The following NELL2 variants were observed in gnomAD, a reference collection of about 807,000 sequenced individuals.
NELL2 encodes the protein neural EGFL like 2, also known as protein kinase C-binding protein NELL2.
Under a neutral mutation model 109.6 loss-of-function variants are expected in NELL2, and 41 were observed. The observed-to-expected ratio is 0.37, with a 90% CI of 0.29 to 0.49. NELL2 has a LOEUF of 0.49. NELL2 is among the 20% of genes least tolerant of loss of function. The pLI is 0.98. For synonymous variants in NELL2, 355 were observed against 344.7 expected (o/e 1.03, Z -0.33); for missense variants, 900 against 1,008.3 (o/e 0.89, Z 1.45).
In NELL2 at chr12:44,554,256, A is replaced by G. The variant is rs555173894; in HGVS notation, c.1664-21535T>C. 1.3e-3 allele frequency among the ~76,000 whole-genome samples: 204 copies of G among 152,310 alleles called. 1 individual carries two copies. The highest frequency in any genetic ancestry group is 3.7e-3 in the Admixed American group (57 of 15,284). On this transcript the variant is annotated intron_variant, in intron 15 of 19. Transcript: ENST00000429094. ...ACAAATGGAGCCATAGTGTGTTAAG[A>G]TATCTATTTACACATGGATCTCTAA...
At chr12:44,617,691 C>CAAAAAAAAAAAACAA (rs1945883056) in intron 13 of NELL2, among the ~76,000 whole-genome samples, 1 of 22,390 alleles carries the variant, frequency 4.5e-5, no homozygotes, top group African/African-American at 3.1e-4. Context: ...GACTCCGTCT[C>CAAAAAAAAAAAACAA]AAAAAAAAAA....
intron 12 of NELL2, among the ~76,000 whole-genome samples, chr12:44,686,494 C>T (rs573923343): frequency 2.6e-3 from 392 of 152,284 alleles, no homozygotes; most frequent in Middle Eastern, 6.8e-3. Context: ...AGGCGCTCTG[C>T]TTTTTAGAGT....
At chr12:44,778,261 C>T (rs1205927870) in intron 5 of NELL2, among the ~76,000 whole-genome samples, 1 of 152,108 alleles carries the variant, frequency 6.6e-6, no homozygotes, top group Non-Finnish European at 1.5e-5. Flanking sequence ...ATGTCTTGTA[C>T]ATGTTTAATC....
intron 13 of NELL2, among the ~76,000 whole-genome samples, chr12:44,658,413 A>G (rs1249697541): frequency 6.6e-6 from 1 of 152,174 alleles, no homozygotes; most frequent in Non-Finnish European, 1.5e-5. Context: ...TTCAAGGAAA[A>G]CTATAAACCA....
chr12:44,566,851 G>A (rs1016163882), intron 15 of NELL2, among the ~76,000 whole-genome samples: 2 of 150,428 alleles, frequency 1.3e-5, no homozygotes, highest in Admixed American at 6.6e-5. Context: ...AGTCTCTGTC[G>A]CCCAGGCTGC....
intron 3 of NELL2, among the ~76,000 whole-genome samples, chr12:44,796,235 T>C (rs1391885989): frequency 1.3e-5 from 2 of 152,168 alleles, no homozygotes; most frequent in Non-Finnish European, 2.9e-5. Context: ...GATACAATTA[T>C]ACATTCTATT....
intron 2 of NELL2, among the ~76,000 whole-genome samples, chr12:44,851,269 C>T (rs528743336): frequency 6.6e-6 from 1 of 152,072 alleles, no homozygotes; most frequent in Admixed American, 6.6e-5. Context: ...ACTGCCACCC[C>T]CTACCATAAA....
intron 2 of NELL2, among the ~76,000 whole-genome samples, chr12:44,860,971 C>T (rs1372282251): frequency 6.6e-6 from 1 of 152,146 alleles, no homozygotes; most frequent in Non-Finnish European, 1.5e-5. Context: ...GTACCAAGAA[C>T]CACACATTAG....
intron 12 of NELL2, among the ~76,000 whole-genome samples, chr12:44,675,703 C>T (rs996070915): frequency 6.6e-6 from 1 of 151,966 alleles, no homozygotes; most frequent in East Asian, 1.9e-4. Flanking sequence ...GATCACAAAG[C>T]TTTTGTGAGC....
At chr12:44,636,326 T>C (rs766637360) in intron 13 of NELL2, among the ~76,000 whole-genome samples, 12 of 152,152 alleles carry the variant, frequency 7.9e-5, no homozygotes, top group Non-Finnish European at 1.5e-4. Context: ...TTATGTTGAA[T>C]AGGAGTGATG....
intron 9 of NELL2, among the ~76,000 whole-genome samples, chr12:44,726,474 A>T (rs1158519817): frequency 6.6e-6 from 1 of 152,150 alleles, no homozygotes. Context: ...TCAAATCTCC[A>T]TATCTCTAGT....
At chr12:44,560,836 C>T (rs551375036) in intron 15 of NELL2, among the ~76,000 whole-genome samples, 6 of 152,150 alleles carry the variant, frequency 3.9e-5, no homozygotes, top group Admixed American at 3.9e-4. Context: ...TTAATGAGGC[C>T]AGCATCATCC....
intron 9 of NELL2, among the ~76,000 whole-genome samples, chr12:44,739,759 C>A (rs1190165994): frequency 6.6e-6 from 1 of 151,998 alleles, no homozygotes; most frequent in Non-Finnish European, 1.5e-5. Flanking sequence ...GGTGTGGTGG[C>A]AGGCACCTGT....
intron 15 of NELL2, among the ~76,000 whole-genome samples, chr12:44,538,586 G>A (rs192899329): frequency 3.2e-4 from 48 of 152,316 alleles, no homozygotes; most frequent in Admixed American, 9.8e-4. Flanking sequence ...CTGCACTTTG[G>A]GAAGAACAGG....
intron 2 of NELL2, among the ~76,000 whole-genome samples, chr12:44,868,593 G>A (rs1945076755): frequency 6.6e-6 from 1 of 152,118 alleles, no homozygotes; most frequent in African/African-American, 2.4e-5. Context: ...GAGACAACGT[G>A]GATCAACCTG....
intron 3 of NELL2, among the ~76,000 whole-genome samples, chr12:44,808,999 A>G (rs1943090239): frequency 6.6e-6 from 1 of 152,050 alleles, no homozygotes; most frequent in African/African-American, 2.4e-5. Flanking sequence ...AAAGCATTCA[A>G]AGTCAGAAGC....
intron 19 of NELL2, among the ~76,000 whole-genome samples, chr12:44,511,961 C>T (rs1465607850): frequency 6.6e-6 from 1 of 151,780 alleles, no homozygotes; most frequent in African/African-American, 2.4e-5. Context: ...GCACAGGCAA[C>T]AAAAACAAAA....
intron 19 of NELL2, among the ~76,000 whole-genome samples, chr12:44,509,874 C>A (rs1441962031): frequency 6.6e-6 from 1 of 151,790 alleles, no homozygotes; most frequent in Admixed American, 6.6e-5. Flanking sequence ...ATATTTAAAC[C>A]GAGACCTGGA....
intron 15 of NELL2, among the ~76,000 whole-genome samples, chr12:44,589,630 T>C (rs968066484): frequency 1.3e-5 from 2 of 152,148 alleles, no homozygotes; most frequent in Non-Finnish European, 2.9e-5. Flanking sequence ...CCGCCCACCT[T>C]GGCCTCCCAA....
Sources: allele counts gnomAD v4.1 joint callset (sites outside exome capture counted in the v4.1 genomes callset), GRCh38; gene constraint gnomAD v4.1.1; transcripts MANE v1.5; gene names NCBI Gene and HGNC (gene_info 2026-07-23, HGNC 2026-07-21).